The following ARHGEF7 variants were observed in gnomAD, a reference collection of about 807,000 sequenced individuals.
ARHGEF7 encodes the protein Rho guanine nucleotide exchange factor 7.
In ARHGEF7, 33 loss-of-function variants were observed where a neutral mutation model predicts 109.8. The ratio of observed to expected loss-of-function variants is 0.30; its 90% CI spans 0.23 to 0.40. ARHGEF7 has a LOEUF of 0.40. ARHGEF7 is among the 10% of genes least tolerant of loss of function. The pLI is 1.00. For synonymous variants in ARHGEF7, 458 were observed against 424.6 expected, an observed-to-expected ratio of 1.08 and a Z score of -0.97; for missense variants, 938 against 1,098.5, an observed-to-expected ratio of 0.85 and a Z score of 2.07.
intron 1 of ARHGEF7, among the ~76,000 whole-genome samples, chr13:111,127,673 A>G (rs897998362): frequency 9.4e-6 from 1 of 106,658 alleles, no homozygotes; most frequent in Non-Finnish European, 2.3e-5. Flanking sequence ...AAAAAAAAAA[A>G]GAAGGAAGGA....
At chr13:111,146,936 T>A (rs191938141) in intron 1 of ARHGEF7, among the ~76,000 whole-genome samples, 17 of 152,374 alleles carry the variant, frequency 1.1e-4, no homozygotes, top group African/African-American at 3.6e-4. Context: ...ATTGTAATGA[T>A]TCTGGGACTA....
At chr13:111,294,715 G>T in intron 19 of ARHGEF7, 2 of 985,382 alleles carry the variant, frequency 2.0e-6, no homozygotes, top group Non-Finnish European at 2.4e-6. Context: ...TACTTTTGTG[G>T]GACTTCAGTC....
chr13:111,301,355 C>G (rs949009302), intron 20 of ARHGEF7, 123 bp from the exon 21 acceptor site: 3 of 810,762 alleles, frequency 3.7e-6, no homozygotes, highest in Admixed American at 4.3e-5. Flanking sequence ...GTAGACAGTA[C>G]ATGGGTAAGG....
chr13:111,288,603 C>T (rs2093130006), intron 18 of ARHGEF7, among the ~76,000 whole-genome samples, 160 bp downstream of exon 18: 1 of 152,210 alleles, frequency 6.6e-6, no homozygotes, highest in African/African-American at 2.4e-5. Flanking sequence ...AGGACAGCAG[C>T]TGAGCTTCAG....
At chr13:111,261,640 C>T (rs937680915) in intron 8 of ARHGEF7, among the ~76,000 whole-genome samples, 1 of 152,186 alleles carries the variant, frequency 6.6e-6, no homozygotes, top group Non-Finnish European at 1.5e-5. Flanking sequence ...CCTCTAGTGG[C>T]TTCAGAATGC....
intron 8 of ARHGEF7, among the ~76,000 whole-genome samples, chr13:111,248,456 A>G (rs548355957): frequency 6.6e-6 from 1 of 152,100 alleles, no homozygotes; most frequent in Admixed American, 6.5e-5. Context: ...TTCTTCAAAT[A>G]TTTTGCTGCT....
At chr13:111,163,788 G>A (rs117435541) in intron 2 of ARHGEF7, among the ~76,000 whole-genome samples, 5,777 of 152,210 alleles carry the variant, frequency 0.038, 151 homozygotes, top group Middle Eastern at 0.078. Context: ...TCCCACCTCA[G>A]CCTCCCAGAG....
At position 111,266,661 on chromosome 13, in the gene ARHGEF7, C is replaced by G. The variant is rs550393712; in HGVS notation, c.951-887C>G. On this transcript the variant is annotated intron_variant, in intron 8 of 21. Coordinates refer to ENST00000646102, the MANE Select transcript of ARHGEF7 (RefSeq NM_001354046.2). This position sits in a 1 kb window ranked among gnomAD's most constrained non-coding sequence, Gnocchi z 4.8. The stretch of plus-strand genomic sequence containing the variant: ...GTTGGGACTGGTTGACTCTTGTTTT[C>G]TGTAGGAATCCCTGGTGTTCATGTT... Among the ~76,000 whole-genome samples the G allele has an allele frequency of 6.6e-6, 1 of 152,138 alleles. No homozygotes were observed. Among genetic ancestry groups the G allele is most frequent in the Non-Finnish European group, 1.5e-5 (1 of 68,032 alleles).
chr13:111,301,385 C>T (rs2093563230), intron 20 of ARHGEF7, 93 bp from the exon 21 acceptor site: 1 of 1,053,398 alleles, frequency 9.5e-7, no homozygotes, highest in Non-Finnish European at 1.5e-6. Context: ...TCCGTGTCCT[C>T]CTCTCAGCAT....
intron 5 of ARHGEF7, among the ~76,000 whole-genome samples, chr13:111,231,360 TG>T (rs1464623285): frequency 2.6e-5 from 4 of 152,222 alleles, no homozygotes; most frequent in Non-Finnish European, 4.4e-5. Context: ...ATTTGTTTCC[TG>T]TGGAGTTTTG....
At chr13:111,153,595 G>C in intron 1 of ARHGEF7, 4 of 1,125,070 alleles carry the variant, frequency 3.6e-6, no homozygotes, top group Non-Finnish European at 4.4e-6. Flanking sequence ...AACACCCGAC[G>C]CTATCCGAAG....
intron 1 of ARHGEF7, among the ~76,000 whole-genome samples, chr13:111,129,759 C>T (rs533322689): frequency 1.8e-4 from 27 of 152,342 alleles, no homozygotes; most frequent in African/African-American, 6.0e-4. Context: ...AACCAGCACT[C>T]TCATGCACTG....
At chr13:111,133,530 C>G (rs1280391242) in intron 1 of ARHGEF7, among the ~76,000 whole-genome samples, 2 of 151,602 alleles carry the variant, frequency 1.3e-5, no homozygotes, top group African/African-American at 2.4e-5. Flanking sequence ...CCATCACATA[C>G]AGAAATGTCA....
chr13:111,298,576 G>A (rs1203433379), intron 19 of ARHGEF7, among the ~76,000 whole-genome samples: 13 of 152,244 alleles, frequency 8.5e-5, no homozygotes, highest in Admixed American at 7.8e-4. Context: ...TCCTGGACCT[G>A]TAGAGATTCC....
chr13:111,230,761 G>C (rs558139675), intron 5 of ARHGEF7, among the ~76,000 whole-genome samples: 1 of 152,314 alleles, frequency 6.6e-6, no homozygotes, highest in African/African-American at 2.4e-5. Flanking sequence ...GGGTGTTCTG[G>C]GGAACGTGAT....
chr13:111,262,455 G>C (rs970490182), intron 8 of ARHGEF7, among the ~76,000 whole-genome samples: 3 of 152,056 alleles, frequency 2.0e-5, no homozygotes, highest in Admixed American at 2.0e-4. Flanking sequence ...GTGGGAGCAG[G>C]AGGCTACTTG....
chr13:111,201,865 C>A (rs571016914), intron 2 of ARHGEF7, among the ~76,000 whole-genome samples: 1 of 152,112 alleles, frequency 6.6e-6, no homozygotes, highest in South Asian at 2.1e-4. Flanking sequence ...ACCATGGGAA[C>A]TCCCCTCCCC....
intron 4 of ARHGEF7, among the ~76,000 whole-genome samples, chr13:111,215,936 A>G (rs975744601): frequency 6.6e-6 from 1 of 152,072 alleles, no homozygotes; most frequent in Non-Finnish European, 1.5e-5. Flanking sequence ...TTGGAGAAGC[A>G]CATTTTTAAC....
intron 2 of ARHGEF7, among the ~76,000 whole-genome samples, chr13:111,181,467 T>G (rs947663029): frequency 2.6e-5 from 4 of 152,170 alleles, no homozygotes; most frequent in Non-Finnish European, 5.9e-5. Context: ...AGTCATGAGA[T>G]CCTTTGACTG....
Sources: allele counts gnomAD v4.1 joint callset (sites outside exome capture counted in the v4.1 genomes callset), GRCh38; gene constraint gnomAD v4.1.1; non-coding constraint Gnocchi (gnomAD v3.1); transcripts MANE v1.5; gene names NCBI Gene and HGNC (gene_info 2026-07-23, HGNC 2026-07-21).